The following MACROD2 variants were observed in gnomAD, a reference collection of about 807,000 sequenced individuals.
MACROD2 encodes the protein mono-ADP ribosylhydrolase 2, also known as ADP-ribose glycohydrolase MACROD2.
In MACROD2, 36 loss-of-function variants were observed where a neutral mutation model predicts 70.4. That is an observed-to-expected ratio of 0.51 (90% CI 0.39 to 0.68). MACROD2 has a LOEUF of 0.68. Ranked by LOEUF, MACROD2 falls within the 30% of genes least tolerant of loss-of-function variation. MACROD2 has a pLI of 0.00. For synonymous variants in MACROD2, 172 were observed against 178.8 expected (o/e 0.96, Z 0.30); for missense variants, 496 against 538.4 (o/e 0.92, Z 0.78).
chr20:14,702,797 G>A (rs992292460), intron 5 of MACROD2, among the ~76,000 whole-genome samples: 2 of 149,088 alleles, frequency 1.3e-5, no homozygotes, highest in Non-Finnish European at 3.0e-5. Flanking sequence ...TCATCATCTC[G>A]GCTCACTGCA....
intron 3 of MACROD2, among the ~76,000 whole-genome samples, chr20:14,206,947 G>T (rs1421242640): frequency 1.3e-5 from 2 of 152,086 alleles, no homozygotes; most frequent in Non-Finnish European, 2.9e-5. Context: ...CAACTCCTAG[G>T]TAACTTGGAA....
At position 14,118,580 on chromosome 20, in the gene MACROD2, A is replaced by G. The variant is rs542219740; in HGVS notation, c.271+32852A>G. On this transcript the variant is annotated intron_variant, in intron 3 of 17. Transcript: ENST00000684519. ...GAATGGGGATCTCACAATGGAAGGC[A>G]GCTCCCTAGAACTATGCTGTTAGCC... 1.8e-4 allele frequency among the ~76,000 whole-genome samples: 27 copies of G among 152,314 alleles called. 1 individual carries two copies. Among genetic ancestry groups the G allele is most frequent in the African/African-American group, 6.5e-4 (27 of 41,566 alleles).
At chr20:14,587,497 G>T (rs959325285) in intron 4 of MACROD2, among the ~76,000 whole-genome samples, 5 of 151,616 alleles carry the variant, frequency 3.3e-5, no homozygotes, top group Non-Finnish European at 7.4e-5. Flanking sequence ...AAAATGCTTT[G>T]ACATTTCGTC....
At chr20:14,374,868 T>C (rs1286233192) in intron 3 of MACROD2, among the ~76,000 whole-genome samples, 2 of 152,218 alleles carry the variant, frequency 1.3e-5, no homozygotes, top group Non-Finnish European at 2.9e-5. Context: ...TTTGCGTGTG[T>C]GAATGGCACA....
chr20:14,257,250 G>T (rs1193888144), intron 3 of MACROD2, among the ~76,000 whole-genome samples: 1 of 150,848 alleles, frequency 6.6e-6, no homozygotes, highest in African/African-American at 2.5e-5. Flanking sequence ...TCTTCTCTTG[G>T]CTAGGCACCA....
chr20:15,523,220 A>AT (rs973014194), intron 8 of MACROD2, among the ~76,000 whole-genome samples: 1 of 152,160 alleles, frequency 6.6e-6, no homozygotes, highest in African/African-American at 2.4e-5. Flanking sequence ...GAAAAGAAAG[A>AT]TTTTTTGCTG....
intron 5 of MACROD2, among the ~76,000 whole-genome samples, chr20:15,066,137 A>G (rs1239717704): frequency 4.9e-5 from 7 of 142,702 alleles, no homozygotes; most frequent in African/African-American, 1.5e-4. Flanking sequence ...TTTAATTTTT[A>G]TTTTTATTTT....
At chr20:14,832,285 A>T (rs2072979697) in intron 5 of MACROD2, among the ~76,000 whole-genome samples, 1 of 151,864 alleles carries the variant, frequency 6.6e-6, no homozygotes, top group African/African-American at 2.4e-5. Context: ...ATCTTCACTG[A>T]ATTGATCAGG....
At chr20:15,546,935 G>T (rs2048033317) in intron 8 of MACROD2, among the ~76,000 whole-genome samples, 1 of 152,134 alleles carries the variant, frequency 6.6e-6, no homozygotes, top group Non-Finnish European at 1.5e-5. Flanking sequence ...GGAGATTCTG[G>T]TGAGTGAACA....
chr20:14,376,809 G>T lies in MACROD2; in HGVS notation c.272-116670G>T, dbSNP rs538001809. Among the ~76,000 whole-genome samples the T allele has an allele frequency of 6.0e-5, 9 of 149,954 alleles. No individual in the cohort carries two copies. In the East Asian group the frequency reaches 1.2e-3, roughly 20 times the overall value. On this transcript the variant is annotated intron_variant, in intron 3 of 17. Coordinates refer to ENST00000684519, the MANE Select transcript of MACROD2 (RefSeq NM_001351661.2). ...TAATAATAATAATAATGTACCCTTT[G>T]ACTCTTTGGAACCATACTTCCCTTT...
chr20:14,792,167 G>A (rs2072458376), intron 5 of MACROD2, among the ~76,000 whole-genome samples: 1 of 151,962 alleles, frequency 6.6e-6, no homozygotes, highest in African/African-American at 2.4e-5. Flanking sequence ...ATCATGGAAT[G>A]GCGGCCACTG....
intron 5 of MACROD2, among the ~76,000 whole-genome samples, chr20:14,966,945 A>T (rs1210891734): frequency 6.6e-6 from 1 of 152,156 alleles, no homozygotes; most frequent in Non-Finnish European, 1.5e-5. Flanking sequence ...TTACATTCAC[A>T]TTTCTCTGAA....
At chr20:14,550,411 A>G (rs1395399146) in intron 4 of MACROD2, among the ~76,000 whole-genome samples, 1 of 151,910 alleles carries the variant, frequency 6.6e-6, no homozygotes, top group Non-Finnish European at 1.5e-5. Context: ...ACCCTATGTG[A>G]TTGTATTAGG....
intron 6 of MACROD2, among the ~76,000 whole-genome samples, chr20:15,293,263 A>G (rs2077557279): frequency 6.6e-6 from 1 of 152,260 alleles, no homozygotes; most frequent in African/African-American, 2.4e-5. Context: ...TAGGTATTTC[A>G]GAAGTATCCA....
intron 7 of MACROD2, among the ~76,000 whole-genome samples, chr20:15,497,885 C>T (rs2047318248): frequency 6.6e-6 from 1 of 152,090 alleles, no homozygotes; most frequent in Non-Finnish European, 1.5e-5. Flanking sequence ...AGACTTTGGG[C>T]TTTTAGAGGA....
intron 6 of MACROD2, among the ~76,000 whole-genome samples, chr20:15,297,605 A>C (rs1474902788): frequency 1.3e-5 from 2 of 152,160 alleles, no homozygotes; most frequent in African/African-American, 4.8e-5. Flanking sequence ...TTCATTCTCC[A>C]TCCCATCCCA....
At chr20:14,767,768 C>T (rs1450867683) in intron 5 of MACROD2, among the ~76,000 whole-genome samples, 1 of 151,888 alleles carries the variant, frequency 6.6e-6, no homozygotes, top group African/African-American at 2.4e-5. Flanking sequence ...TTAGGTATTT[C>T]TCCTAATGCT....
chr20:15,626,862 C>T (rs923133515), intron 8 of MACROD2, among the ~76,000 whole-genome samples: 1 of 151,426 alleles, frequency 6.6e-6, no homozygotes. Flanking sequence ...ACCCCACCCC[C>T]CCAAAAAAAA....
rs567618671 is a variant in MACROD2 at position 15,650,411 on chromosome 20, G to A, written c.645+150564G>A. ...TGATCTCCTTTTTCTCCATACTACC[G>A]CCTTTCTTTGTCATTTCTCTCACAC... On this transcript the variant is annotated intron_variant, in intron 8 of 17. Coordinates refer to ENST00000684519, the MANE Select transcript of MACROD2 (RefSeq NM_001351661.2). Among the ~76,000 whole-genome samples, 12 of 152,068 alleles carry A rather than the reference G, an allele frequency of 7.9e-5. No individual in the cohort carries two copies. In the South Asian group the frequency reaches 8.3e-4, roughly 11 times the overall value.
Sources: allele counts gnomAD v4.1 joint callset (sites outside exome capture counted in the v4.1 genomes callset), GRCh38; gene constraint gnomAD v4.1.1; transcripts MANE v1.5; gene names NCBI Gene and HGNC (gene_info 2026-07-23, HGNC 2026-07-21).